The following PPFIBP2 variants were observed in gnomAD, a reference collection of about 807,000 sequenced individuals.
PPFIBP2 encodes the protein liprin-beta-2.
PPFIBP2 carries 118 observed loss-of-function variants against 118.3 expected under a neutral mutation model. The observed-to-expected ratio is 1.00, with a 90% CI of 0.86 to 1.16. The LOEUF is 1.16. Among genes scored for constraint, PPFIBP2 ranks in the 50% most tolerant of loss-of-function variants. The pLI is 0.00. For synonymous variants in PPFIBP2, 414 were observed against 397.4 expected (o/e 1.04, Z -0.50); for missense variants, 1,195 against 1,073.1 (o/e 1.11, Z -1.59).
intron 2 of PPFIBP2, among the ~76,000 whole-genome samples, chr11:7,562,510 C>T (rs1854414748): frequency 1.3e-5 from 2 of 152,164 alleles, no homozygotes; most frequent in South Asian, 4.1e-4. Flanking sequence ...TCATATTCTA[C>T]TGGTGACACA....
At chr11:7,527,179 G>A (rs1181735844) in intron 1 of PPFIBP2, among the ~76,000 whole-genome samples, 1 of 152,084 alleles carries the variant, frequency 6.6e-6, no homozygotes, top group Middle Eastern at 3.4e-3. Context: ...TCCCTGGGAG[G>A]GGAGGCAAGG....
At chr11:7,570,386 A>G (rs1855528101) in intron 3 of PPFIBP2, among the ~76,000 whole-genome samples, 1 of 152,070 alleles carries the variant, frequency 6.6e-6, no homozygotes, top group Admixed American at 6.6e-5. Context: ...CTTCTCTAAC[A>G]GTATGTTATG....
At chr11:7,554,421 CCTT>C (rs1300474418) in intron 2 of PPFIBP2, among the ~76,000 whole-genome samples, 4 of 152,120 alleles carry the variant, frequency 2.6e-5, no homozygotes, top group African/African-American at 7.2e-5. Context: ...TTCCAAAACT[CCTT>C]CTAAAAAGAG....
intron 6 of PPFIBP2, among the ~76,000 whole-genome samples, chr11:7,615,582 C>A (rs1465101788): frequency 6.6e-6 from 1 of 152,130 alleles, no homozygotes; most frequent in African/African-American, 2.4e-5. Context: ...TTTGTTAGCT[C>A]CTAAATATCT....
chr11:7,554,058 C>G (rs1036934015), intron 2 of PPFIBP2, among the ~76,000 whole-genome samples: 2 of 152,196 alleles, frequency 1.3e-5, no homozygotes, highest in Non-Finnish European at 2.9e-5. Flanking sequence ...ACAGATCTTG[C>G]AGAAATGACA....
At position 7,641,559 on chromosome 11, in the gene PPFIBP2, C is replaced by T; in HGVS notation, c.1456C>T (p.Gln486Ter). The T allele has an allele frequency of 6.2e-7, 1 of 1,613,986 alleles. No individual in the cohort carries two copies. Among genetic ancestry groups the T allele is most frequent in the South Asian group, 1.1e-5 (1 of 91,084 alleles). ...STSSGTESGPQSPLTPDGKRN... is the reference protein window; with the variant it reads ...STSSGTESGP ...ATCATCGGGCACTGAATCAGGTCCTCAGTCTCCTCTGACACCAGATGGTAA... is the reference window on the plus strand; with the variant it reads ...ATCATCGGGCACTGAATCAGGTCCTTAGTCTCCTCTGACACCAGATGGTAA... Residue 486 changes from glutamine to a stop codon, truncating the protein, a stop_gained, in exon 16 of 24, where the codon CAG becomes TAG. Coordinates refer to ENST00000299492, the MANE Select transcript of PPFIBP2 (RefSeq NM_003621.5). LOFTEE classifies it high-confidence loss of function.
intron 1 of PPFIBP2, among the ~76,000 whole-genome samples, chr11:7,516,909 CCTGT>C (rs1849279216): frequency 6.6e-6 from 1 of 152,100 alleles, no homozygotes; most frequent in Non-Finnish European, 1.5e-5. Context: ...ATCTTTCATT[CCTGT>C]CTATTTGGTT....
chr11:7,518,078 A>G (rs1038994994), intron 1 of PPFIBP2, among the ~76,000 whole-genome samples: 3 of 152,228 alleles, frequency 2.0e-5, no homozygotes, highest in Admixed American at 1.3e-4. Context: ...GTGGGCCTGC[A>G]GGGCCCCTGA....
chr11:7,637,336 C>G (rs1851583087), intron 14 of PPFIBP2, among the ~76,000 whole-genome samples: 1 of 152,244 alleles, frequency 6.6e-6, no homozygotes, highest in South Asian at 2.1e-4. Flanking sequence ...TTCTAGATTG[C>G]TATTTCTTTA....
At chr11:7,646,238 CAT>C (rs1466754663) in intron 17 of PPFIBP2, among the ~76,000 whole-genome samples, 1 of 152,180 alleles carries the variant, frequency 6.6e-6, no homozygotes, top group African/African-American at 2.4e-5. Context: ...ATAGACAACA[CAT>C]GAGTTAAATG....
rs1175158992 is a variant in PPFIBP2 at position 7,547,154 on chromosome 11, C to CT, written c.-36-2283dup. On this transcript the variant is annotated intron_variant, in intron 1 of 23. Coordinates refer to ENST00000299492, the MANE Select transcript of PPFIBP2 (RefSeq NM_003621.5). ...GATTTGTTGTGCTTTGAAGGGGCTG[C>CT]TTTACGTGGTGCCGGGGGGCGGTGT... Among the ~76,000 whole-genome samples the CT allele has an allele frequency of 2.6e-5, 4 of 152,322 alleles. No homozygotes were observed. In the South Asian group the frequency reaches 8.3e-4, roughly 32 times the overall value.
At chr11:7,624,664 G>A (rs1251969612) in intron 7 of PPFIBP2, among the ~76,000 whole-genome samples, 1 of 152,188 alleles carries the variant, frequency 6.6e-6, no homozygotes, top group Admixed American at 6.5e-5. Flanking sequence ...TTCTTACCTG[G>A]TTTGATGCTG....
At chr11:7,554,408 A>G (rs926925965) in intron 2 of PPFIBP2, among the ~76,000 whole-genome samples, 2 of 152,184 alleles carry the variant, frequency 1.3e-5, no homozygotes, top group Non-Finnish European at 2.9e-5. Flanking sequence ...GTTACTGTTT[A>G]CTTTCCAAAA....
intron 1 of PPFIBP2, among the ~76,000 whole-genome samples, chr11:7,533,558 G>A (rs1175388371): frequency 6.6e-6 from 1 of 152,180 alleles, no homozygotes; most frequent in Non-Finnish European, 1.5e-5. Flanking sequence ...AAATAATATA[G>A]ACAGCTCTGA....
chr11:7,631,031 A>G lies in PPFIBP2; in HGVS notation c.1068+3A>G, dbSNP rs778879843. The G allele has an allele frequency of 3.1e-6, 5 of 1,609,022 alleles. No homozygotes were observed. The Admixed American group carries it at 6.7e-5, about 21-fold the overall frequency. On this transcript the variant is annotated splice_donor_region_variant and intron_variant, in intron 11 of 23. Coordinates refer to ENST00000299492, the MANE Select transcript of PPFIBP2 (RefSeq NM_003621.5). ...CTGAAGAATTATTTAAACAAGAGGT[A>G]CTGTGTTTCCATCCATGACGTAGGG...
At chr11:7,611,578 C>T (rs1848072244) in intron 6 of PPFIBP2, among the ~76,000 whole-genome samples, 1 of 152,210 alleles carries the variant, frequency 6.6e-6, no homozygotes, top group Non-Finnish European at 1.5e-5. Context: ...ACTAAGAGTC[C>T]AGGCTGATGA....
intron 5 of PPFIBP2, 124 bp from the exon 6 acceptor site, chr11:7,610,167 A>C: frequency 8.1e-7 from 1 of 1,231,922 alleles, no homozygotes; most frequent in East Asian, 2.4e-5. Flanking sequence ...ACTCTCATGT[A>C]GCAGTCTCAA....
chr11:7,528,861 G>A (rs193277217), intron 1 of PPFIBP2, among the ~76,000 whole-genome samples: 303 of 152,308 alleles, frequency 2.0e-3, no homozygotes, highest in African/African-American at 6.8e-3. Context: ...CAGTCAGCCA[G>A]TCTTTGTTGC....
At chr11:7,577,382 G>A (rs114028058) in intron 3 of PPFIBP2, 373 of 346,866 alleles carry the variant, frequency 1.1e-3, no homozygotes, top group African/African-American at 7.5e-3. Flanking sequence ...GGACACTGAA[G>A]CAGCACGGTC....
Sources: allele counts gnomAD v4.1 joint callset (sites outside exome capture counted in the v4.1 genomes callset), GRCh38; gene constraint gnomAD v4.1.1; transcripts MANE v1.5; gene names NCBI Gene and HGNC (gene_info 2026-07-23, HGNC 2026-07-21).